The following FAM153A variants were observed in gnomAD, a reference collection of about 807,000 sequenced individuals.
FAM153A encodes protein FAM153A.
In FAM153A, 12 loss-of-function variants were observed where a neutral mutation model predicts 48.1. The observed-to-expected ratio is 0.25, with a 90% CI of 0.16 to 0.40. The LOEUF is 0.40. FAM153A is among the 10% of genes least tolerant of loss of function. The pLI is 1.00. For missense variants in FAM153A, 111 were observed against 345.8 expected, an observed-to-expected ratio of 0.32 and a Z score of 5.38; for synonymous variants, 36 against 118.2, an observed-to-expected ratio of 0.30 and a Z score of 4.51.
At chr5:177,707,752 G>A (rs1429021814), downstream of FAM153A, among the ~76,000 whole-genome samples, 1 of 151,598 alleles carries the variant, frequency 6.6e-6, no homozygotes, top group Non-Finnish European at 1.5e-5. Context: ...GTAGAGATGG[G>A]GTTTCACCAT....
upstream of FAM153A, among the ~76,000 whole-genome samples, chr5:177,755,922 G>A (rs201225691): frequency 4.7e-4 from 71 of 150,832 alleles, no homozygotes; most frequent in African/African-American, 1.4e-3. Context: ...AAGAAACTGC[G>A]TCAACTAACG....
At chr5:177,702,057 G>A in the FAM153A span, among the ~76,000 whole-genome samples, 4 of 151,754 alleles carry the variant, frequency 2.6e-5, no homozygotes, top group African/African-American at 7.3e-5. Flanking sequence ...ACAGGCGCCC[G>A]CCATCACGCC....
chr5:177,700,369 C>T, the FAM153A span, among the ~76,000 whole-genome samples: 3 of 151,750 alleles, frequency 2.0e-5, no homozygotes, highest in Non-Finnish European at 4.4e-5. Flanking sequence ...TAAAAGGCAT[C>T]CAGATAGGAA....
At chr5:177,712,832 A>T (rs552610246) in exon 27 of FAM153A, 1 of 150,108 alleles carries the variant, frequency 6.7e-6, no homozygotes, top group East Asian at 2.1e-4. Flanking sequence ...ACAAAGGCTG[A>T]ATCAGGACAT....
intron 18 of FAM153A, among the ~76,000 whole-genome samples, 177 bp downstream of exon 20, chr5:177,728,846 C>T (rs1280096356): frequency 2.0e-5 from 3 of 147,658 alleles, no homozygotes; most frequent in Admixed American, 6.8e-5. Context: ...GGATTACAGG[C>T]GTGAGCCACT....
chr5:177,732,571 T>A (rs1459351975), intron 14 of FAM153A, among the ~76,000 whole-genome samples: 1 of 88,350 alleles, frequency 1.1e-5, no homozygotes, highest in African/African-American at 4.4e-5. Context: ...AGTATAATGG[T>A]GCCATCTCGA....
At position 177,753,123 on chromosome 5, in the gene FAM153A, A is replaced by G. The variant is rs1280830868; in HGVS notation, c.31+53T>C. 4 of 1,519,968 alleles carry G rather than the reference A, an allele frequency of 2.6e-6. No individual in the cohort carries two copies. The African/African-American group carries it at 5.7e-5, about 22-fold the overall frequency. 94.2% of individuals were successfully genotyped at this position (1,519,968 alleles called of 1,614,324 possible). On this transcript the variant is annotated intron_variant, in intron 1 of 20. Coordinates refer to ENST00000614127, the Ensembl canonical transcript of FAM153A. ...CAGAATGACATTTAACATACAGGAAAACTGGCTCATCTGAAGAAATTGCAG... is the reference window on the plus strand; with the variant it reads ...CAGAATGACATTTAACATACAGGAAGACTGGCTCATCTGAAGAAATTGCAG...
chr5:177,710,408 G>A (rs1212124393), downstream of FAM153A, among the ~76,000 whole-genome samples: 1 of 151,506 alleles, frequency 6.6e-6, no homozygotes, highest in Non-Finnish European at 1.5e-5. Context: ...CACTGCATCT[G>A]GCCAATACAT....
chr5:177,719,582 T>G (rs1291347443), downstream of FAM153A, among the ~76,000 whole-genome samples: 2 of 143,984 alleles, frequency 1.4e-5, no homozygotes, highest in Non-Finnish European at 3.0e-5. Context: ...TTATTTATTT[T>G]TTTTTCGAGG....
At chr5:177,709,257 C>CTTTTTTTTTTT (rs59687881), downstream of FAM153A, among the ~76,000 whole-genome samples, 1 of 116,380 alleles carries the variant, frequency 8.6e-6, no homozygotes. Flanking sequence ...AAAAAGGAAT[C>CTTTTTTTTTTT]TTTTTTTTTT....
chr5:177,721,397 C>CT (rs1760999306), downstream of FAM153A, among the ~76,000 whole-genome samples: 1 of 86,650 alleles, frequency 1.2e-5, no homozygotes, highest in Non-Finnish European at 2.3e-5. Context: ...GGACACGGAG[C>CT]TGGTGGCTAA....
At chr5:177,722,159 C>T (rs1296430399), downstream of FAM153A, 1 of 134,724 alleles carries the variant, frequency 7.4e-6, no homozygotes, top group African/African-American at 2.8e-5. Flanking sequence ...GACAAAGTCT[C>T]ACTCTGTAGC....
At chr5:177,695,490 G>GC in the FAM153A span, among the ~76,000 whole-genome samples, 1 of 152,226 alleles carries the variant, frequency 6.6e-6, no homozygotes, top group Non-Finnish European at 1.5e-5. Flanking sequence ...TCAGGCATCT[G>GC]TTTAACAAAG....
chr5:177,712,721 G>C (rs1017172033), exon 27 of FAM153A: 6 of 151,656 alleles, frequency 4.0e-5, no homozygotes, highest in Non-Finnish European at 7.4e-5. Flanking sequence ...GGTTTGAGGT[G>C]ATAACACTAC....
At chr5:177,761,309 CA>C in intron 1 of FAM153A, among the ~76,000 whole-genome samples, 1 of 151,696 alleles carries the variant, frequency 6.6e-6, no homozygotes. Context: ...AGGTTACAAT[CA>C]ATTTTTTTTT....
downstream of FAM153A, among the ~76,000 whole-genome samples, chr5:177,717,608 T>C (rs533515073): frequency 3.3e-5 from 5 of 149,586 alleles, no homozygotes; most frequent in Non-Finnish European, 5.9e-5. Context: ...CAGTTGACAC[T>C]ATCTCAACCA....
intron 1 of FAM153A, among the ~76,000 whole-genome samples, chr5:177,764,174 C>A (rs1198167520): frequency 7.3e-6 from 1 of 136,660 alleles, no homozygotes; most frequent in East Asian, 2.3e-4. Flanking sequence ...TAGGCTGGGC[C>A]CAATGAAGAC....
chr5:177,696,066 GAT>G, the FAM153A span, among the ~76,000 whole-genome samples: 322 of 130,460 alleles, frequency 2.5e-3, 59 homozygotes, highest in Non-Finnish European at 3.0e-3. Flanking sequence ...CTTCCCAGAT[GAT>G]GGGCGGCCGG....
At chr5:177,700,733 C>T in the FAM153A span, among the ~76,000 whole-genome samples, 51 of 151,778 alleles carry the variant, frequency 3.4e-4, 1 homozygote, top group East Asian at 8.9e-3. Flanking sequence ...ACCCAGGAGG[C>T]GGAGGTTACA....
Sources: allele counts gnomAD v4.1 joint callset (sites outside exome capture counted in the v4.1 genomes callset), GRCh38; gene constraint gnomAD v4.1.1; transcripts MANE v1.5; gene names NCBI Gene and HGNC (gene_info 2026-07-23, HGNC 2026-07-21).